RIT2: variants seen among roughly 807,000 people sequenced by gnomAD.
RIT2 encodes Ras like without CAAX 2, also known as GTP-binding protein Rit2.
A neutral mutation model predicts 23.7 loss-of-function variants in RIT2; 24 were observed. The ratio of observed to expected loss-of-function variants is 1.01; its 90% confidence interval spans 0.73 to 1.43. RIT2 has a LOEUF of 1.43. RIT2 is among the 40% of genes most tolerant of loss of function. The pLI, the probability that RIT2 is intolerant of heterozygous loss-of-function variation, is 0.00. For missense variants in RIT2, 236 were observed against 266.9 expected, an observed-to-expected ratio of 0.88 and a Z score of 0.81; for synonymous variants, 107 against 91.1, an observed-to-expected ratio of 1.17 and a Z score of -0.99.
At chr18:42,941,175 A>G (rs1232528860) in intron 3 of RIT2, among the ~76,000 whole-genome samples, 4 of 152,120 alleles carry the variant, frequency 2.6e-5, no homozygotes, top group Non-Finnish European at 5.9e-5. Flanking sequence ...AAAAGAAATG[A>G]GCAAATGGTA....
chr18:43,087,031 C>G (rs984946653), intron 1 of RIT2, among the ~76,000 whole-genome samples: 1 of 152,178 alleles, frequency 6.6e-6, no homozygotes, highest in Non-Finnish European at 1.5e-5. Context: ...GGGTGAGTCA[C>G]TTGAGGCTAG....
chr18:43,082,973 A>G (rs2144349987), intron 1 of RIT2, among the ~76,000 whole-genome samples: 1 of 152,322 alleles, frequency 6.6e-6, no homozygotes, highest in African/African-American at 2.4e-5. Context: ...TTGTATATTT[A>G]GAAAACCCTA....
intron 1 of RIT2, among the ~76,000 whole-genome samples, chr18:43,044,767 G>A (rs1912207260): frequency 6.6e-6 from 1 of 152,138 alleles, no homozygotes; most frequent in African/African-American, 2.4e-5. Flanking sequence ...TAAGCAGCTG[G>A]ATGAGAGCAG....
At chr18:43,015,230 G>C (rs950963898) in intron 2 of RIT2, among the ~76,000 whole-genome samples, 2 of 151,620 alleles carry the variant, frequency 1.3e-5, no homozygotes, top group African/African-American at 4.8e-5. Context: ...ATATTCTGGA[G>C]ATAGAATCAA....
chr18:42,888,353 T>C (rs1908079435), intron 4 of RIT2, among the ~76,000 whole-genome samples: 2 of 151,852 alleles, frequency 1.3e-5, no homozygotes, highest in Admixed American at 6.6e-5. Context: ...TGGTTGGTTG[T>C]TTTTTGTTTT....
rs544951406 is a variant in RIT2 at position 43,064,801 on chromosome 18, A to G, written c.104-30934T>C. ...AATTTTATATTCTGTATTCCTCACA[A>G]TAACTATTTATTTTTATTATTTATT... On this transcript the variant is annotated intron_variant, in intron 1 of 4. Coordinates refer to ENST00000326695, the MANE Select transcript of RIT2 (RefSeq NM_002930.4). Among the ~76,000 whole-genome samples the G allele has an allele frequency of 1.2e-4, 18 of 152,150 alleles. No homozygotes were observed. In the South Asian group the frequency reaches 3.3e-3, roughly 28 times the overall value.
intron 2 of RIT2, among the ~76,000 whole-genome samples, chr18:43,029,300 G>A (rs933289882): frequency 9.2e-5 from 14 of 152,036 alleles, no homozygotes; most frequent in African/African-American, 3.4e-4. Context: ...TCAATTACAA[G>A]AGGAAGTGTT....
chr18:42,829,917 A>T (rs1906407958), intron 4 of RIT2, among the ~76,000 whole-genome samples: 1 of 152,218 alleles, frequency 6.6e-6, no homozygotes, highest in Non-Finnish European at 1.5e-5. Context: ...AGTGAATGTA[A>T]GGATCCATGG....
At chr18:42,962,514 A>G (rs1002374162) in intron 3 of RIT2, among the ~76,000 whole-genome samples, 2 of 152,180 alleles carry the variant, frequency 1.3e-5, no homozygotes, top group Non-Finnish European at 2.9e-5. Flanking sequence ...AAGATCCTAC[A>G]TAACTGCCAG....
At chr18:43,033,505 C>T (rs1261624972) in intron 2 of RIT2, among the ~76,000 whole-genome samples, 1 of 151,976 alleles carries the variant, frequency 6.6e-6, no homozygotes, top group Non-Finnish European at 1.5e-5. Flanking sequence ...ATTTTATTAT[C>T]CAGAGAAACT....
intron 2 of RIT2, among the ~76,000 whole-genome samples, chr18:43,028,575 A>G (rs1012545940): frequency 2.0e-5 from 3 of 152,044 alleles, no homozygotes; most frequent in Non-Finnish European, 4.4e-5. Context: ...TCATTAATAA[A>G]TATAATTCTT....
intron 4 of RIT2, among the ~76,000 whole-genome samples, chr18:42,840,715 GGTC>G (rs2144023258): frequency 6.6e-6 from 1 of 152,290 alleles, no homozygotes; most frequent in African/African-American, 2.4e-5. Context: ...TGGTCAGGCT[GGTC>G]TCGAACTTTC....
At chr18:42,929,620 C>T (rs1909276854) in intron 3 of RIT2, among the ~76,000 whole-genome samples, 1 of 152,082 alleles carries the variant, frequency 6.6e-6, no homozygotes, top group Non-Finnish European at 1.5e-5. Flanking sequence ...GGAATAGCTG[C>T]ATAATTTGTA....
intron 1 of RIT2, among the ~76,000 whole-genome samples, chr18:43,104,840 T>C (rs1913770752): frequency 6.6e-6 from 1 of 152,204 alleles, no homozygotes; most frequent in African/African-American, 2.4e-5. Context: ...TGTATCCATG[T>C]AGCTTATTAT....
At chr18:43,075,843 A>G (rs1156338621) in intron 1 of RIT2, among the ~76,000 whole-genome samples, 1 of 152,208 alleles carries the variant, frequency 6.6e-6, no homozygotes, top group Admixed American at 6.5e-5. Context: ...ACACTGGACA[A>G]AAAGGAAAGA....
chr18:43,079,631 A>G (rs1568075944), intron 1 of RIT2, among the ~76,000 whole-genome samples: 1 of 152,216 alleles, frequency 6.6e-6, no homozygotes, highest in Non-Finnish European at 1.5e-5. Flanking sequence ...ACAGAGGAAT[A>G]CAAAAGACAA....
intron 4 of RIT2, among the ~76,000 whole-genome samples, chr18:42,825,200 ATATTAG>A (rs1273371868): frequency 6.6e-6 from 1 of 151,904 alleles, no homozygotes; most frequent in African/African-American, 2.4e-5. Flanking sequence ...GACAAAATAA[ATATTAG>A]TATAAGTATA....
chr18:42,845,708 T>A (rs1006756303), intron 4 of RIT2, among the ~76,000 whole-genome samples: 29 of 150,918 alleles, frequency 1.9e-4, no homozygotes, highest in African/African-American at 7.0e-4. Flanking sequence ...GAGTATATTG[T>A]CTCACAAATG....
intron 4 of RIT2, among the ~76,000 whole-genome samples, chr18:42,765,424 A>T (rs1913398170): frequency 6.6e-6 from 1 of 152,202 alleles, no homozygotes; most frequent in African/African-American, 2.4e-5. Flanking sequence ...CAACATTAAA[A>T]TTCTGTTTGT....
Sources: gnomAD v4.1 joint callset for allele counts (sites outside exome capture counted in the v4.1 genomes callset) on GRCh38, gnomAD v4.1.1 for gene constraint, MANE v1.5 for transcripts, NCBI Gene and HGNC (gene_info 2026-07-23, HGNC 2026-07-21) for gene names.